GPC3: variants seen among roughly 807,000 people sequenced by gnomAD.
GPC3 encodes the protein glypican 3.
In GPC3, 3 loss-of-function variants were observed where a neutral mutation model predicts 34.4. The ratio of observed to expected loss-of-function variants is 0.09; its 90% CI spans 0.04 to 0.23. The LOEUF (loss-of-function observed/expected upper bound fraction) is 0.23, where lower values mean the gene tolerates loss of function less well. GPC3 is among the 10% of genes least tolerant of loss of function. The probability of loss-of-function intolerance (pLI) is 1.00; values close to 1 mark genes in which losing one functional copy is unlikely to be tolerated. For missense variants in GPC3, 351 were observed against 445.6 expected (o/e 0.79, Z 1.91); for synonymous variants, 177 against 174.0 (o/e 1.02, Z -0.13).
chrX:133,786,368 C>A (rs2072101142), intron 2 of GPC3, among the ~76,000 whole-genome samples: 1 of 112,303 alleles, frequency 8.9e-6, no homozygotes, highest in African/African-American at 3.2e-5. Flanking sequence ...GCACTCCAGC[C>A]TGGGTGACAA....
chrX:133,983,993 G>C (rs753574751), intron 1 of GPC3, among the ~76,000 whole-genome samples: 7 of 113,272 alleles, frequency 6.2e-5, no homozygotes, highest in African/African-American at 1.9e-4. Flanking sequence ...TCAACCTAAA[G>C]AAAAGGCTGA....
intron 2 of GPC3, among the ~76,000 whole-genome samples, chrX:133,887,047 C>T (rs2076064692): frequency 1.8e-5 from 2 of 112,333 alleles, no homozygotes; most frequent in African/African-American, 6.5e-5. Context: ...AGCTCTGTTG[C>T]CCAGGCTGGA....
At chrX:133,755,719 TTTTG>T (rs200214750) in intron 2 of GPC3, among the ~76,000 whole-genome samples, 24 of 111,862 alleles carry the variant, frequency 2.1e-4, no homozygotes, top group East Asian at 5.6e-4. Context: ...CACTTGGTTT[TTTTG>T]TTTGTTTGTT....
rs2071929348 is a variant in GPC3, at chrX:133,772,176, C to T, written c.338-18000G>A. 5.4e-5 allele frequency among the ~76,000 whole-genome samples: 6 copies of T among 111,860 alleles called. No homozygotes were observed. In the Admixed American group the frequency reaches 5.7e-4, roughly 11 times the overall value. ...CTAAAGAAAAGTTTGCCTGCCATCGCTCAATGCTTGTTAGAGTAAAACTAC... is the reference window on the plus strand; with the variant it reads ...CTAAAGAAAAGTTTGCCTGCCATCGTTCAATGCTTGTTAGAGTAAAACTAC... On this transcript the variant is annotated intron_variant, in intron 2 of 7. Coordinates refer to ENST00000370818, the MANE Select transcript of GPC3 (RefSeq NM_004484.4).
intron 1 of GPC3, among the ~76,000 whole-genome samples, chrX:133,954,155 T>C (rs1220667058): frequency 9.0e-6 from 1 of 111,417 alleles, no homozygotes; most frequent in Non-Finnish European, 1.9e-5. Flanking sequence ...TCAGTCGTTG[T>C]TAAGGGAGAT....
At chrX:133,782,553 C>A (rs184973538) in intron 2 of GPC3, among the ~76,000 whole-genome samples, 1 of 111,729 alleles carries the variant, frequency 9.0e-6, no homozygotes, top group Admixed American at 9.5e-5. Context: ...TCCTTTTTCC[C>A]TTCCTCTTGT....
intron 2 of GPC3, among the ~76,000 whole-genome samples, chrX:133,929,365 G>A (rs2076288710): frequency 9.0e-6 from 1 of 111,143 alleles, no homozygotes; most frequent in Non-Finnish European, 1.9e-5. Flanking sequence ...AATACTGTAT[G>A]CATTTCTCCA....
At chrX:133,906,713 T>C (rs972908535) in intron 2 of GPC3, among the ~76,000 whole-genome samples, 4 of 112,244 alleles carry the variant, frequency 3.6e-5, no homozygotes, top group Non-Finnish European at 7.5e-5. Context: ...GCCTGCTACC[T>C]GCAAGGCACG....
intron 2 of GPC3, among the ~76,000 whole-genome samples, chrX:133,868,250 C>T (rs780110145): frequency 8.9e-6 from 1 of 112,127 alleles, no homozygotes; most frequent in Admixed American, 9.4e-5. Flanking sequence ...AGCACTCACC[C>T]TAGCTCCTGC....
chrX:133,981,250 C>G (rs2124652756), intron 1 of GPC3, among the ~76,000 whole-genome samples: 1 of 111,832 alleles, frequency 8.9e-6, no homozygotes, highest in East Asian at 2.8e-4. Flanking sequence ...CTACAAGTTT[C>G]CTGGGAAGCC....
intron 7 of GPC3, among the ~76,000 whole-genome samples, chrX:133,565,155 T>C (rs2069571882): frequency 8.9e-6 from 1 of 111,935 alleles, no homozygotes; most frequent in Admixed American, 9.5e-5. Flanking sequence ...GGATTTCACA[T>C]GTATGGGAGG....
At chrX:133,789,657 C>G (rs770364272) in intron 2 of GPC3, among the ~76,000 whole-genome samples, 18 of 112,125 alleles carry the variant, frequency 1.6e-4, no homozygotes, top group Non-Finnish European at 3.2e-4. Flanking sequence ...GCCCCACCAT[C>G]AAACAGGGAT....
chrX:133,841,996 G>T (rs756663911), intron 2 of GPC3, among the ~76,000 whole-genome samples: 5 of 112,313 alleles, frequency 4.5e-5, no homozygotes, highest in Non-Finnish European at 3.8e-5. Flanking sequence ...CCTATTGTGG[G>T]ACCTTGTGAC....
At chrX:133,762,255 T>G (rs1312852047) in intron 2 of GPC3, among the ~76,000 whole-genome samples, 2 of 112,271 alleles carry the variant, frequency 1.8e-5, no homozygotes, top group African/African-American at 6.5e-5. Flanking sequence ...CAACACTGTC[T>G]TCCCTAGCAG....
intron 7 of GPC3, among the ~76,000 whole-genome samples, chrX:133,591,071 A>G (rs2069843329): frequency 8.9e-6 from 1 of 112,205 alleles, no homozygotes; most frequent in Non-Finnish European, 1.9e-5. Flanking sequence ...CCTCAAAAGA[A>G]GGGAAGAAGT....
chrX:133,890,760 T>C (rs2124589791), intron 2 of GPC3, among the ~76,000 whole-genome samples: 1 of 106,167 alleles, frequency 9.4e-6, no homozygotes, highest in Non-Finnish European at 1.9e-5. Context: ...CTCAGGAGGC[T>C]GAGGTAGGAG....
In GPC3 at chrX:133,815,395, GA is replaced by G. The variant is rs1262988365; in HGVS notation, c.338-61220del. Among the ~76,000 whole-genome samples, 3 of 110,730 alleles carry G rather than the reference GA, an allele frequency of 2.7e-5. No homozygotes were observed. The East Asian group carries it at 8.7e-4, about 32-fold the overall frequency. On this transcript the variant is annotated intron_variant, in intron 2 of 7. Coordinates refer to ENST00000370818, the MANE Select transcript of GPC3 (RefSeq NM_004484.4). Reference sequence around the variant, plus strand: ...AAGTGGCTTGGGAACAGATCTTGTAGAACTTATCCTTGCATTCTTAAAGTCA... The same window carrying G: ...AAGTGGCTTGGGAACAGATCTTGTAGACTTATCCTTGCATTCTTAAAGTCA...
At chrX:133,609,977 C>T (rs1328496639) in intron 6 of GPC3, among the ~76,000 whole-genome samples, 1 of 111,888 alleles carries the variant, frequency 8.9e-6, no homozygotes, top group Non-Finnish European at 1.9e-5. Context: ...TTTCCATGCT[C>T]ATCTGGGTGT....
chrX:133,971,183 TATG>T (rs1284217958), intron 1 of GPC3, among the ~76,000 whole-genome samples: 2 of 112,416 alleles, frequency 1.8e-5, no homozygotes, highest in Non-Finnish European at 3.8e-5. Flanking sequence ...TATTGAGAGT[TATG>T]ACAAGGTGAG....
Sources: gnomAD v4.1 joint callset for allele counts (sites outside exome capture counted in the v4.1 genomes callset) on GRCh38, gnomAD v4.1.1 for gene constraint, MANE v1.5 for transcripts, NCBI Gene and HGNC (gene_info 2026-07-23, HGNC 2026-07-21) for gene names.